Variants in PPL observed in about 807,000 individuals in gnomAD.
PPL encodes periplakin.
PPL carries 198 observed loss-of-function variants against 194.4 expected under a neutral mutation model. The observed-to-expected ratio is 1.02, with a 90% CI of 0.91 to 1.15. PPL has a LOEUF of 1.15. Ranked by LOEUF, PPL falls within the 50% of genes most tolerant of loss-of-function variation. PPL has a pLI of 0.00. For missense variants in PPL, 2,885 were observed against 2,294.8 expected (o/e 1.26, Z -5.25); for synonymous variants, 1,220 against 972.4 (o/e 1.25, Z -4.74).
At chr16:4,907,505 A>C (rs1471523878) in intron 2 of PPL, among the ~76,000 whole-genome samples, 1 of 152,162 alleles carries the variant, frequency 6.6e-6, no homozygotes, top group African/African-American at 2.4e-5. Flanking sequence ...AAATATCCAG[A>C]ATAAATAAAT....
chr16:4,885,257 A>T lies in PPL; in HGVS notation c.3398T>A (p.Leu1133His), dbSNP rs145318499. 823 of 1,612,566 alleles carry T rather than the reference A, an allele frequency of 5.1e-4. 4 individuals are homozygous for T. In the African/African-American group the frequency reaches 9.7e-3, roughly 19 times the overall value. ...AGCCTCGTCCTCATATTGGCGGGTG[A>T]GATCGCTGACCTCCCTCTCGGTGGC... is the stretch of plus-strand genomic sequence containing the variant. ...DAATEREVSDLTRQYEDEAAK... is the reference protein window; with the variant it reads ...DAATEREVSDHTRQYEDEAAK... Residue 1133 changes from leucine (L) to histidine (H), a missense_variant, in exon 22 of 22, where the codon CTC becomes CAC. By Grantham distance (99) the Leu-to-His change is moderately conservative (BLOSUM62 -3). Coordinates refer to ENST00000345988, the MANE Select transcript of PPL (RefSeq NM_002705.5). This position sits in a 1 kb window ranked among gnomAD's most constrained non-coding sequence, Gnocchi z 6.3.
chr16:4,904,092 G>A (rs369059526), intron 2 of PPL, 52 bp from the exon 3 acceptor site: 116 of 1,562,334 alleles, frequency 7.4e-5, no homozygotes, highest in Non-Finnish European at 9.5e-5. Flanking sequence ...GAGCGGGCAC[G>A]GTGGCAATGG....
At chr16:4,934,403 C>T (rs2089265966) in intron 1 of PPL, among the ~76,000 whole-genome samples, 1 of 151,988 alleles carries the variant, frequency 6.6e-6, no homozygotes, top group African/African-American at 2.4e-5. Flanking sequence ...CCCCTGGGCT[C>T]GGAAAGGGCT....
In PPL at chr16:4,912,732, C is replaced by T. The variant is rs551876032; in HGVS notation, c.63-1783G>A. ...GGTTCCGTGGTGACACTGGGCTGCC[C>T]GCTGTTACAAGTCAGGAGGTGTGAC... On this transcript the variant is annotated intron_variant, in intron 1 of 21. Coordinates refer to ENST00000345988, the MANE Select transcript of PPL (RefSeq NM_002705.5). Among the ~76,000 whole-genome samples the T allele has an allele frequency of 5.9e-5, 9 of 152,316 alleles. No individual in the cohort carries two copies. In the South Asian group the frequency reaches 8.3e-4, roughly 14 times the overall value.
chr16:4,901,712 A>G (rs1329904729), intron 4 of PPL, among the ~76,000 whole-genome samples: 1 of 147,458 alleles, frequency 6.8e-6, no homozygotes, highest in Non-Finnish European at 1.5e-5. Context: ...TAAATAAATA[A>G]TAAAACTGGG....
intron 2 of PPL, among the ~76,000 whole-genome samples, chr16:4,906,731 G>A (rs554018074): frequency 2.0e-5 from 3 of 152,170 alleles, no homozygotes; most frequent in Non-Finnish European, 4.4e-5. Context: ...GTTCAAAGTC[G>A]GGCAGAACTG....
In PPL at chr16:4,894,546, C is replaced by T. The variant is rs138056460; in HGVS notation, c.1315G>A (p.Ala439Thr). 6 of 1,613,854 alleles carry T rather than the reference C, an allele frequency of 3.7e-6. No individual in the cohort carries two copies. Among genetic ancestry groups the T allele is most frequent in the African/African-American group, 1.3e-5 (1 of 75,020 alleles). ...NGESWELMDS[A>T]GNKLIAPAVC... ...GCCGGAGCAATCAGCTTGTTCCCAG[C>T]GCTGTCCATGAGCTCCCAGCTCTCC... is the stretch of plus-strand genomic sequence containing the variant. Residue 439 changes from alanine (A) to threonine (T), a missense_variant, in exon 12 of 22, where the codon GCT (alanine) becomes ACT (threonine). Ala to Thr is a moderately conservative substitution (Grantham distance 58). Coordinates refer to ENST00000345988, the MANE Select transcript of PPL (RefSeq NM_002705.5).
chr16:4,891,713 G>A (rs2088322034), intron 16 of PPL, 98 bp downstream of exon 16: 3 of 1,443,138 alleles, frequency 2.1e-6, no homozygotes, highest in Admixed American at 4.8e-5. Flanking sequence ...GGGGAGACTG[G>A]ATGCTGGTGT....
intron 9 of PPL, 36 bp downstream of exon 9, chr16:4,897,639 C>G (rs749405310): frequency 1.3e-6 from 2 of 1,544,362 alleles, no homozygotes; most frequent in South Asian, 1.1e-5. Flanking sequence ...GAGTAGCACC[C>G]CCGGTGCTGG....
At chr16:4,920,371 GGACACCTCGGTC>G (rs2089026150) in intron 1 of PPL, among the ~76,000 whole-genome samples, 1 of 94,232 alleles carries the variant, frequency 1.1e-5, no homozygotes, top group Non-Finnish European at 2.4e-5. Flanking sequence ...AAGAAAGAAA[GGACACCTCGGTC>G]AAATTTCAAA....
At chr16:4,904,517 C>T (rs1017587537) in intron 2 of PPL, among the ~76,000 whole-genome samples, 1 of 152,038 alleles carries the variant, frequency 6.6e-6, no homozygotes, top group African/African-American at 2.4e-5. Context: ...CTCTGGTGGT[C>T]AGGGAAGCCT....
intron 3 of PPL, among the ~76,000 whole-genome samples, chr16:4,903,144 G>C (rs1259454372): frequency 6.6e-6 from 1 of 152,146 alleles, no homozygotes; most frequent in Non-Finnish European, 1.5e-5. Context: ...CCATGCCAAG[G>C]ACAAGTGCCA....
At chr16:4,887,410 C>T (rs923222938) in intron 20 of PPL, among the ~76,000 whole-genome samples, 183 bp from the exon 21 acceptor site, 1 of 152,064 alleles carries the variant, frequency 6.6e-6, no homozygotes. Flanking sequence ...AAATGGATCT[C>T]GAGGCAGAAG....
In PPL at chr16:4,897,736, T is replaced by C. The variant is rs1195228346; in HGVS notation, c.911A>G (p.Glu304Gly). 1 of 1,613,902 alleles carries C rather than the reference T, an allele frequency of 6.2e-7. No homozygotes were observed. The highest frequency in any genetic ancestry group is 1.1e-5 in the South Asian group (1 of 91,060). The change falls in exon 9 of 22, where the codon GAG (glutamate) becomes GGG (glycine). Residue 304 changes from glutamate (E) to glycine (G), a missense_variant. By Grantham distance (98) the Glu-to-Gly change is moderately conservative. Transcript: ENST00000345988. ...HMEAVHADWK[E>G]YLNLLICEES... is the part of the protein sequence containing the mutation. ...CTCGCAGATGAGCAGGTTCAGGTAC[T>C]CCTTCCAGTCTGCGTGCACAGCCTC...
At chr16:4,901,374 G>T (rs2088567116) in intron 4 of PPL, among the ~76,000 whole-genome samples, 1 of 152,176 alleles carries the variant, frequency 6.6e-6, no homozygotes, top group South Asian at 2.1e-4. Context: ...CCAGTCACCT[G>T]CCCAGGGTCA....
intron 6 of PPL, among the ~76,000 whole-genome samples, chr16:4,899,710 GCT>G (rs1184833727): frequency 6.6e-6 from 1 of 152,198 alleles, no homozygotes; most frequent in Non-Finnish European, 1.5e-5. Context: ...TTTTGTGAAG[GCT>G]TAGTTCGCCC....
Position 4,899,128 on chromosome 16 carries a change from G to A in PPL, c.769-8C>T, listed in dbSNP as rs182639464. On this transcript the variant is annotated splice_polypyrimidine_tract_variant and splice_region_variant and intron_variant, in intron 7 of 21. Coordinates refer to ENST00000345988, the MANE Select transcript of PPL (RefSeq NM_002705.5). The stretch of plus-strand genomic sequence containing the variant: ...GTTCCGGTTGATGAAATTCTGCAGT[G>A]GGGGGCAGTGGAGGGGCCTCAGTGC... The A allele has an allele frequency of 7.4e-6, 12 of 1,613,250 alleles. No individual in the cohort carries two copies. In the African/African-American group the frequency reaches 1.2e-4, roughly 16 times the overall value.
intron 6 of PPL, among the ~76,000 whole-genome samples, chr16:4,899,848 G>C (rs2088521534): frequency 6.6e-6 from 1 of 152,126 alleles, no homozygotes; most frequent in South Asian, 2.1e-4. Flanking sequence ...GTCTTATAGA[G>C]GGCTGGAAGG....
chr16:4,915,365 CT>C (rs1257135325), intron 1 of PPL, among the ~76,000 whole-genome samples: 3 of 152,242 alleles, frequency 2.0e-5, no homozygotes, highest in African/African-American at 7.2e-5. Flanking sequence ...CTCGTACAGC[CT>C]CCGCTTCTCC....
Sources: gnomAD v4.1 joint callset for allele counts (sites outside exome capture counted in the v4.1 genomes callset) on GRCh38, gnomAD v4.1.1 for gene constraint, Gnocchi (gnomAD v3.1) non-coding constraint, MANE v1.5 for transcripts, NCBI Gene and HGNC (gene_info 2026-07-23, HGNC 2026-07-21) for gene names.